The following TRPM3 variants were observed in gnomAD, a reference collection of about 807,000 sequenced individuals.
TRPM3 encodes long transient receptor potential channel 3.
In TRPM3, 77 loss-of-function variants were observed where a neutral mutation model predicts 181.2. That is an observed-to-expected ratio of 0.42 (90% CI 0.35 to 0.51). TRPM3 has a LOEUF of 0.51. TRPM3 is among the 20% of genes least tolerant of loss of function. The pLI, the probability that TRPM3 is intolerant of heterozygous loss-of-function variation, is 0.01. For synonymous variants in TRPM3, 745 were observed against 796.4 expected (o/e 0.94, Z 1.09); for missense variants, 1,759 against 2,196.7 (o/e 0.80, Z 3.98).
At chr9:70,913,530 G>A (rs1007596331) in intron 1 of TRPM3, among the ~76,000 whole-genome samples, 1 of 152,164 alleles carries the variant, frequency 6.6e-6, no homozygotes, top group African/African-American at 2.4e-5. Flanking sequence ...AACTACCAGA[G>A]GGAAAAGCTG....
chr9:70,542,893 C>G (rs900414873), intron 25 of TRPM3, among the ~76,000 whole-genome samples: 4 of 152,170 alleles, frequency 2.6e-5, no homozygotes, highest in African/African-American at 4.8e-5. Context: ...CTTGCTTATC[C>G]ACAGACTGAT....
intron 5 of TRPM3, among the ~76,000 whole-genome samples, chr9:70,834,004 A>T (rs1424537107): frequency 2.6e-5 from 4 of 152,082 alleles, no homozygotes; most frequent in Non-Finnish European, 5.9e-5. Flanking sequence ...AAAAGAAAGG[A>T]TCTGTGGTTC....
At chr9:70,694,203 G>A (rs1413762876) in intron 8 of TRPM3, among the ~76,000 whole-genome samples, 1 of 152,176 alleles carries the variant, frequency 6.6e-6, no homozygotes, top group Non-Finnish European at 1.5e-5. Flanking sequence ...GACCGTATGA[G>A]GTCCTTTTAG....
chr9:70,791,756 T>C (rs1264751337), intron 6 of TRPM3, among the ~76,000 whole-genome samples: 1 of 152,138 alleles, frequency 6.6e-6, no homozygotes, highest in Non-Finnish European at 1.5e-5. Context: ...TGATGGTGCA[T>C]AGTGTATCTT....
intron 16 of TRPM3, 51 bp downstream of exon 16, chr9:70,620,025 C>T: frequency 6.5e-7 from 1 of 1,548,088 alleles, no homozygotes; most frequent in Non-Finnish European, 8.8e-7. Flanking sequence ...CACTGGGAGC[C>T]CACCTTTCCT....
At chr9:71,089,511 G>C (rs2065854178) in intron 1 of TRPM3, among the ~76,000 whole-genome samples, 2 of 151,346 alleles carry the variant, frequency 1.3e-5, no homozygotes, top group Non-Finnish European at 1.5e-5. Context: ...AGGTACTACA[G>C]AGCCAGAAAT....
chr9:70,832,262 T>G (rs1402073525), intron 5 of TRPM3, among the ~76,000 whole-genome samples: 1 of 151,314 alleles, frequency 6.6e-6, no homozygotes, highest in African/African-American at 2.4e-5. Context: ...CTGCACATTG[T>G]GCACATGTAC....
chr9:71,446,170 TA>T (rs2094200885), intron 1 of TRPM3, among the ~76,000 whole-genome samples: 1 of 152,146 alleles, frequency 6.6e-6, no homozygotes. Flanking sequence ...TGCAAACAAT[TA>T]AACGCTCCCA....
At chr9:71,167,394 A>C (rs2076590673) in intron 1 of TRPM3, among the ~76,000 whole-genome samples, 1 of 151,986 alleles carries the variant, frequency 6.6e-6, no homozygotes, top group South Asian at 2.1e-4. Context: ...ACACTAGAAG[A>C]CATGAAGGAC....
At chr9:71,019,358 C>T (rs1465484616) in intron 1 of TRPM3, among the ~76,000 whole-genome samples, 2 of 151,888 alleles carry the variant, frequency 1.3e-5, no homozygotes, top group African/African-American at 4.8e-5. Flanking sequence ...TACAAAAAGA[C>T]TCCAAATAAA....
rs1381059199 is a variant in TRPM3 at position 71,013,465 on chromosome 9, G to T, written c.177+107713C>A. Reference sequence around the variant, plus strand: ...GTGAGAATACTTTGGAAGCTTTTGGGTTTTTTTTTGTATTTCTATGCTGTG... The same window carrying T: ...GTGAGAATACTTTGGAAGCTTTTGGTTTTTTTTTTGTATTTCTATGCTGTG... On this transcript the variant is annotated intron_variant, in intron 1 of 25. Coordinates refer to ENST00000677713, the MANE Select transcript of TRPM3 (RefSeq NM_001366145.2). Among the ~76,000 whole-genome samples the T allele has an allele frequency of 4.0e-5, 6 of 150,750 alleles. 1 individual carries two copies. The highest frequency in any genetic ancestry group is 2.1e-4 in the South Asian group (1 of 4,758).
chr9:70,792,475 G>T (rs181897410), intron 6 of TRPM3, among the ~76,000 whole-genome samples: 1 of 151,612 alleles, frequency 6.6e-6, no homozygotes, highest in Non-Finnish European at 1.5e-5. Flanking sequence ...GGAGAGAAAA[G>T]AGAAAGAATC....
At chr9:70,845,282 C>T (rs2094906962) in intron 4 of TRPM3, among the ~76,000 whole-genome samples, 1 of 152,106 alleles carries the variant, frequency 6.6e-6, no homozygotes, top group African/African-American at 2.4e-5. Flanking sequence ...TCTTGTTGCC[C>T]AGGCTGGAGT....
At chr9:71,162,209 AAAAAAAAAAAAGAAG>A (rs1429144143) in intron 1 of TRPM3, among the ~76,000 whole-genome samples, 1 of 151,050 alleles carries the variant, frequency 6.6e-6, no homozygotes. Context: ...CAAAAAAAAA[AAAAAAAAAAAAGAAG>A]AAAAAGAAAA....
chr9:71,168,605 A>AT (rs148058004), intron 1 of TRPM3, among the ~76,000 whole-genome samples: 3 of 105,650 alleles, frequency 2.8e-5, no homozygotes, highest in East Asian at 3.0e-4. Flanking sequence ...TTTTATTTTT[A>AT]TTTATTTTTT....
intron 1 of TRPM3, among the ~76,000 whole-genome samples, chr9:71,098,981 G>A (rs2067809440): frequency 6.6e-6 from 1 of 152,164 alleles, no homozygotes; most frequent in Non-Finnish European, 1.5e-5. Context: ...ACTCACACGA[G>A]GAGGAAGTGC....
chr9:71,146,420 T>C (rs776768716), intron 1 of TRPM3, among the ~76,000 whole-genome samples: 1 of 152,162 alleles, frequency 6.6e-6, no homozygotes, highest in Non-Finnish European at 1.5e-5. Context: ...TGTTCCAATC[T>C]ATGAGCCATT....
chr9:71,060,823 T>C (rs558310921), intron 1 of TRPM3, among the ~76,000 whole-genome samples: 1 of 152,242 alleles, frequency 6.6e-6, no homozygotes, highest in African/African-American at 2.4e-5. Flanking sequence ...TCTAGGGATA[T>C]GGCTGCAAAC....
intron 1 of TRPM3, among the ~76,000 whole-genome samples, chr9:71,323,984 T>G (rs1464263557): frequency 1.3e-5 from 2 of 152,110 alleles, no homozygotes; most frequent in African/African-American, 4.8e-5. Flanking sequence ...CTTCCTTAAC[T>G]GAAGAACAGT....
Sources: allele counts gnomAD v4.1 joint callset (sites outside exome capture counted in the v4.1 genomes callset), GRCh38; gene constraint gnomAD v4.1.1; transcripts MANE v1.5; gene names NCBI Gene and HGNC (gene_info 2026-07-23, HGNC 2026-07-21).